Variants in DMD observed in about 807,000 individuals in gnomAD.
DMD encodes the protein dystrophin.
DMD carries 63 observed loss-of-function variants against 330.1 expected under a neutral mutation model. The ratio of observed to expected loss-of-function variants is 0.19; its 90% CI spans 0.16 to 0.24. The LOEUF (loss-of-function observed/expected upper bound fraction) is 0.24. DMD is among the 10% of genes least tolerant of loss of function. The probability of loss-of-function intolerance (pLI) is 1.00; values close to 1 mark genes in which losing one functional copy is unlikely to be tolerated. For synonymous variants in DMD, 1,223 were observed against 959.8 expected, an observed-to-expected ratio of 1.27 and a Z score of -5.07; for missense variants, 3,344 against 2,684.1, an observed-to-expected ratio of 1.25 and a Z score of -5.43.
intron 55 of DMD, among the ~76,000 whole-genome samples, chrX:31,535,877 G>C (rs2073357923): frequency 3.6e-5 from 4 of 111,889 alleles, no homozygotes; most frequent in African/African-American, 1.3e-4. Flanking sequence ...TCAGGGTTTA[G>C]ATTAGGTACT....
At position 31,451,102 on chromosome X, in the gene DMD, T is replaced by A. The variant is rs1164171199; in HGVS notation, c.8938-6475A>T. ...GTTGTCAAGCACTTATATTTTGTTT[T>A]TTTTTTTTTTTCAGGAGACTTTTCT... On this transcript the variant is annotated intron_variant, in intron 59 of 78. Coordinates refer to ENST00000357033, the MANE Select transcript of DMD (RefSeq NM_004006.3). 9.3e-3 allele frequency among the ~76,000 whole-genome samples: 1,000 copies of A among 107,832 alleles called. 10 individuals carry two copies. The highest frequency in any genetic ancestry group is 0.028 in the African/African-American group (802 of 28,862). The allele number at this position is 107,832 out of a possible 115,157, so 93.6% of individuals were successfully genotyped here.
At chrX:33,084,660 TC>T (rs2094978440) in intron 1 of DMD, among the ~76,000 whole-genome samples, 2 of 111,245 alleles carry the variant, frequency 1.8e-5, no homozygotes, top group Admixed American at 9.6e-5. Flanking sequence ...CAAGCACTGA[TC>T]TTAGGAGCAG....
intron 44 of DMD, among the ~76,000 whole-genome samples, chrX:32,082,391 G>GCTATCTATCTATCTATCTAT (rs74475298): frequency 2.1e-5 from 2 of 95,299 alleles, no homozygotes; most frequent in Non-Finnish European, 4.2e-5. Flanking sequence ...ACCTCGCCCG[G>GCTATCTATCTATCTATCTAT]CTATCTATCT....
intron 67 of DMD, among the ~76,000 whole-genome samples, chrX:31,186,145 C>T (rs2041753693): frequency 1.8e-5 from 2 of 111,966 alleles, no homozygotes; most frequent in Admixed American, 1.9e-4. Flanking sequence ...CTAAATTTAG[C>T]AACACTATAA....
At chrX:32,140,942 AT>A (rs1228782964) in intron 44 of DMD, among the ~76,000 whole-genome samples, 2 of 111,239 alleles carry the variant, frequency 1.8e-5, no homozygotes, top group African/African-American at 3.3e-5. Flanking sequence ...GAAGCAAGGC[AT>A]TTTCACCACC....
At chrX:33,179,697 A>AAAC (rs1369723091) in intron 1 of DMD, among the ~76,000 whole-genome samples, 16 of 110,486 alleles carry the variant, frequency 1.4e-4, no homozygotes, top group African/African-American at 5.3e-4. Context: ...CCGTCTCAAA[A>AAAC]AAAAAAAAAG....
intron 12 of DMD, among the ~76,000 whole-genome samples, chrX:32,597,266 C>A (rs1161443960): frequency 9.0e-6 from 1 of 111,715 alleles, no homozygotes; most frequent in Non-Finnish European, 1.9e-5. Flanking sequence ...ATTGTCACTA[C>A]TCAATAATTT....
intron 1 of DMD, among the ~76,000 whole-genome samples, chrX:33,060,742 C>A (rs2094572617): frequency 9.3e-6 from 1 of 107,338 alleles, no homozygotes. Flanking sequence ...GAGGCTGAAG[C>A]AGGAGAATCG....
At chrX:33,335,301 A>G (rs2054235419) in intron 1 of DMD, among the ~76,000 whole-genome samples, 1 of 108,810 alleles carries the variant, frequency 9.2e-6, no homozygotes, top group African/African-American at 3.3e-5. Flanking sequence ...TATATCATAT[A>G]TATCCTTCTA....
chrX:31,486,691 C>T (rs1244616636), intron 57 of DMD, among the ~76,000 whole-genome samples: 1 of 111,698 alleles, frequency 9.0e-6, no homozygotes, highest in African/African-American at 3.3e-5. Flanking sequence ...AAATGGATAC[C>T]GAGCAGGCAT....
intron 7 of DMD, among the ~76,000 whole-genome samples, chrX:32,808,403 G>C (rs111781433): frequency 3.6e-5 from 4 of 111,589 alleles, no homozygotes; most frequent in East Asian, 5.6e-4. Flanking sequence ...TCTCATTTAA[G>C]ATTACTGAAT....
At chrX:32,318,941 C>G (rs1461710845) in intron 41 of DMD, among the ~76,000 whole-genome samples, 1 of 110,786 alleles carries the variant, frequency 9.0e-6, no homozygotes, top group East Asian at 2.9e-4. Flanking sequence ...CAGACCTGCT[C>G]ATTGACCTGC....
At chrX:32,717,610 C>T (rs1465697417) in intron 7 of DMD, among the ~76,000 whole-genome samples, 1 of 111,669 alleles carries the variant, frequency 9.0e-6, no homozygotes, top group Non-Finnish European at 1.9e-5. Flanking sequence ...CACACAGAGT[C>T]CCCACTGGGG....
intron 45 of DMD, among the ~76,000 whole-genome samples, chrX:31,960,011 G>A (rs1375375620): frequency 5.5e-5 from 6 of 108,579 alleles, no homozygotes. Flanking sequence ...CACCCATCTC[G>A]GCCTCCCAAA....
At chrX:33,053,887 A>C (rs755294665) in intron 1 of DMD, among the ~76,000 whole-genome samples, 6 of 111,491 alleles carry the variant, frequency 5.4e-5, no homozygotes, top group Non-Finnish European at 9.4e-5. Flanking sequence ...GGTGAATGTA[A>C]AGAGATAGTG....
intron 42 of DMD, 103 bp downstream of exon 42, chrX:32,309,979 A>G: frequency 1.3e-6 from 1 of 753,388 alleles, no homozygotes; most frequent in Non-Finnish European, 2.0e-6. Context: ...TGTGAAAGTC[A>G]AAATGCCATC....
Position 32,491,434 on chromosome X carries a change from C to G in DMD, c.2465G>C (p.Arg822Thr). 8.3e-7 allele frequency: 1 copy of G among 1,211,281 alleles called. No homozygotes were observed. Among genetic ancestry groups the G allele is most frequent in the Non-Finnish European group, 1.1e-6 (1 of 895,119 alleles). ...WIEFCQLLSE[R>T]LNWLEYQNNI... ...GTTCTGATACTCCAGCCAGTTAAGT[C>G]TCTCACTTAGCAACTGGCAGAATTC... The change falls in exon 20 of 79, where the codon AGA becomes ACA. Residue 822 changes from arginine (R) to threonine (T), a missense_variant. Arg to Thr is a moderately conservative substitution (Grantham distance 71). Coordinates refer to ENST00000357033, the MANE Select transcript of DMD (RefSeq NM_004006.3).
intron 2 of DMD, among the ~76,000 whole-genome samples, chrX:32,856,835 G>GGAGGCC (rs1342789278): frequency 8.9e-6 from 1 of 111,755 alleles, no homozygotes; most frequent in Non-Finnish European, 1.9e-5. Flanking sequence ...CAACACTTTG[G>GGAGGCC]GAGGCCGAGG....
chrX:33,267,352 A>G (rs779168199), intron 1 of DMD, among the ~76,000 whole-genome samples: 1 of 111,223 alleles, frequency 9.0e-6, no homozygotes, highest in East Asian at 2.8e-4. Context: ...ACATTGTTGA[A>G]AGAAACACAG....
Sources: allele counts gnomAD v4.1 joint callset (sites outside exome capture counted in the v4.1 genomes callset), GRCh38; gene constraint gnomAD v4.1.1; transcripts MANE v1.5; gene names NCBI Gene and HGNC (gene_info 2026-07-23, HGNC 2026-07-21).